EXOC6: variants seen among roughly 807,000 people sequenced by gnomAD.
EXOC6 encodes exocyst complex component 6.
In EXOC6, 60 loss-of-function variants were observed where a neutral mutation model predicts 112.5. That is an observed-to-expected ratio of 0.53 (90% CI 0.43 to 0.66). The LOEUF (loss-of-function observed/expected upper bound fraction) is 0.66, where lower values mean the gene tolerates loss of function less well. Ranked by LOEUF, EXOC6 falls within the 30% of genes least tolerant of loss-of-function variation. The pLI is 0.00. For synonymous variants in EXOC6, 295 were observed against 308.0 expected (o/e 0.96, Z 0.44); for missense variants, 855 against 957.1 (o/e 0.89, Z 1.41).
At chr10:92,950,059 T>A (rs1359953091) in intron 14 of EXOC6, among the ~76,000 whole-genome samples, 1 of 152,234 alleles carries the variant, frequency 6.6e-6, no homozygotes, top group Non-Finnish European at 1.5e-5. Context: ...TTCTAATATA[T>A]GCAGTACCTC....
intron 18 of EXOC6, among the ~76,000 whole-genome samples, chr10:92,988,703 TA>T (rs1241178396): frequency 6.6e-6 from 1 of 152,074 alleles, no homozygotes; most frequent in Non-Finnish European, 1.5e-5. Context: ...CTCATGCCTG[TA>T]ATCCCAACAT....
intron 1 of EXOC6, among the ~76,000 whole-genome samples, chr10:92,881,233 CTAAG>C (rs768317758): frequency 1.3e-5 from 2 of 152,056 alleles, no homozygotes; most frequent in Non-Finnish European, 2.9e-5. Flanking sequence ...TTTCTCCAGA[CTAAG>C]TGTCTAAAGG....
At chr10:92,896,171 ATATATATATATTTTTTTT>A (rs1849792118) in intron 4 of EXOC6, among the ~76,000 whole-genome samples, 4 of 25,220 alleles carry the variant, frequency 1.6e-4, no homozygotes, top group African/African-American at 4.1e-4. Context: ...ATATATATAT[ATATATATATATTTTTTTT>A]TTTTTTTTTT....
chr10:93,036,071 C>CA (rs1200383217), intron 20 of EXOC6, among the ~76,000 whole-genome samples: 1 of 151,912 alleles, frequency 6.6e-6, no homozygotes, highest in Non-Finnish European at 1.5e-5. Flanking sequence ...AAATACAAAA[C>CA]ATTAGGCATG....
intron 17 of EXOC6, among the ~76,000 whole-genome samples, chr10:92,963,816 T>C (rs1854152008): frequency 6.6e-6 from 1 of 152,186 alleles, no homozygotes; most frequent in Non-Finnish European, 1.5e-5. Flanking sequence ...GAGAGATTTC[T>C]AGAACTTTAT....
intron 8 of EXOC6, among the ~76,000 whole-genome samples, chr10:92,926,587 G>A (rs1230898252): frequency 6.6e-6 from 1 of 151,908 alleles, no homozygotes; most frequent in African/African-American, 2.4e-5. Context: ...CAACTGGAGT[G>A]CAGTGGTATG....
At chr10:93,040,970 G>C (rs998519923) in intron 20 of EXOC6, among the ~76,000 whole-genome samples, 1 of 152,188 alleles carries the variant, frequency 6.6e-6, no homozygotes, top group African/African-American at 2.4e-5. Context: ...GCTTTCATCA[G>C]ATCTCTGGCA....
intron 1 of EXOC6, among the ~76,000 whole-genome samples, chr10:92,864,889 T>C (rs1404972965): frequency 6.6e-6 from 1 of 152,190 alleles, no homozygotes; most frequent in Non-Finnish European, 1.5e-5. Flanking sequence ...TTGGCTTTCA[T>C]AATGGTGTGA....
At chr10:92,851,179 T>C (rs1444156931) in intron 1 of EXOC6, among the ~76,000 whole-genome samples, 1 of 151,856 alleles carries the variant, frequency 6.6e-6, no homozygotes, top group African/African-American at 2.4e-5. Flanking sequence ...CCTAAGAAAC[T>C]AGGAAAAGAG....
chr10:92,965,004 T>C (rs1460712004), intron 17 of EXOC6, among the ~76,000 whole-genome samples: 1 of 152,162 alleles, frequency 6.6e-6, no homozygotes, highest in Non-Finnish European at 1.5e-5. Context: ...ATAATTTTTT[T>C]GTAAGAGGAT....
At chr10:92,971,320 AG>A (rs1315528976) in intron 17 of EXOC6, among the ~76,000 whole-genome samples, 2 of 151,310 alleles carry the variant, frequency 1.3e-5, no homozygotes, top group African/African-American at 4.9e-5. Flanking sequence ...CTGGGATTAC[AG>A]GCGTGAGGCA....
chr10:92,913,256 C>G (rs1398896190), intron 6 of EXOC6, among the ~76,000 whole-genome samples: 1 of 152,122 alleles, frequency 6.6e-6, no homozygotes, highest in Non-Finnish European at 1.5e-5. Flanking sequence ...GTTACTAAGT[C>G]CTACTTAGTT....
Position 93,058,423 on chromosome 10 carries a change from T to C in EXOC6, c.*68T>C. The C allele has an allele frequency of 4.3e-6, 6 of 1,390,416 alleles. No individual in the cohort carries two copies. Among genetic ancestry groups the C allele is most frequent in the Non-Finnish European group, 5.8e-6 (6 of 1,041,046 alleles). 86.1% of individuals were successfully genotyped at this position (1,390,416 alleles called of 1,614,324 possible). A position where few individuals can be genotyped will look rare whatever the true frequency, so the allele number is the denominator to read the frequency against. On this transcript the variant is annotated 3_prime_UTR_variant, in exon 22 of 22. Coordinates refer to ENST00000260762, the MANE Select transcript of EXOC6 (RefSeq NM_019053.6). The stretch of plus-strand genomic sequence containing the variant: ...AATGTTGATCTTGAGCAAGTATTGG[T>C]CATGATACAGTAATTTGTTTACAGA...
chr10:92,858,659 C>G (rs1204308319), intron 1 of EXOC6, among the ~76,000 whole-genome samples: 3 of 152,196 alleles, frequency 2.0e-5, no homozygotes, highest in Non-Finnish European at 4.4e-5. Context: ...ATCATACTTT[C>G]CTTTGCTTCT....
intron 18 of EXOC6, among the ~76,000 whole-genome samples, chr10:92,982,872 T>A (rs7908826): frequency 0.46 from 69,825 of 152,042 alleles, 16,962 homozygotes; most frequent in African/African-American, 0.61. Flanking sequence ...CACTAAATGT[T>A]TCTGATGTTA....
chr10:93,007,383 G>T (rs1844042863), intron 19 of EXOC6, among the ~76,000 whole-genome samples: 1 of 152,032 alleles, frequency 6.6e-6, no homozygotes, highest in African/African-American at 2.4e-5. Context: ...GGGCGCAATG[G>T]CTCACATCTG....
rs528482344 is a variant in EXOC6 at position 93,044,217 on chromosome 10, C to T, written c.2170-12707C>T. Reference sequence around the variant, plus strand: ...AGCAAGTGTTCTGACATGTTTGTCGCGCAAATTATTATACGTGACAAAAGG... The same window carrying T: ...AGCAAGTGTTCTGACATGTTTGTCGTGCAAATTATTATACGTGACAAAAGG... On this transcript the variant is annotated intron_variant, in intron 20 of 21. Coordinates refer to ENST00000260762, the MANE Select transcript of EXOC6 (RefSeq NM_019053.6). 4.3e-4 allele frequency among the ~76,000 whole-genome samples: 66 copies of T among 152,158 alleles called. No individual in the cohort carries two copies. The South Asian group carries it at 0.01, about 23-fold the overall frequency.
chr10:92,975,595 G>A (rs1281960641), intron 18 of EXOC6, among the ~76,000 whole-genome samples: 3 of 142,050 alleles, frequency 2.1e-5, no homozygotes, highest in African/African-American at 5.3e-5. Context: ...CCGGCCAGCC[G>A]CCCCGTCCGG....
At chr10:93,002,709 C>T (rs1843810970) in intron 19 of EXOC6, among the ~76,000 whole-genome samples, 1 of 152,152 alleles carries the variant, frequency 6.6e-6, no homozygotes, top group Admixed American at 6.5e-5. Context: ...GCATCTTGCT[C>T]CATGTTATGA....
Sources: allele counts gnomAD v4.1 joint callset (sites outside exome capture counted in the v4.1 genomes callset), GRCh38; gene constraint gnomAD v4.1.1; transcripts MANE v1.5; gene names NCBI Gene and HGNC (gene_info 2026-07-23, HGNC 2026-07-21).